LVRN: variants seen among roughly 807,000 people sequenced by gnomAD.
The protein encoded by LVRN is laeverin.
A neutral mutation model predicts 111.4 loss-of-function variants in LVRN; 99 were observed. The observed-to-expected ratio is 0.89, with a 90% CI of 0.76 to 1.05. The LOEUF is 1.05. Among genes scored for constraint, LVRN ranks in the 50% least tolerant of loss-of-function variants. The probability of loss-of-function intolerance (pLI) is 0.00; values close to 1 mark genes in which losing one functional copy is unlikely to be tolerated. For missense variants in LVRN, 1,414 were observed against 1,206.8 expected (o/e 1.17, Z -2.54); for synonymous variants, 488 against 449.5 (o/e 1.09, Z -1.08).
At chr5:115,980,025 G>A (rs892263879) in intron 1 of LVRN, among the ~76,000 whole-genome samples, 1 of 152,070 alleles carries the variant, frequency 6.6e-6, no homozygotes, top group Non-Finnish European at 1.5e-5. Flanking sequence ...AGAAAACAGT[G>A]AGTCCATGAT....
At chr5:116,023,212 G>A (rs779949676) in intron 19 of LVRN, 1 of 152,126 alleles carries the variant, frequency 6.6e-6, no homozygotes, top group Non-Finnish European at 1.5e-5. Flanking sequence ...CTACATTATA[G>A]TGTAATCACT....
chr5:116,001,661 A>G (rs1356302458), intron 10 of LVRN, among the ~76,000 whole-genome samples: 2 of 152,142 alleles, frequency 1.3e-5, no homozygotes, highest in Non-Finnish European at 1.5e-5. Context: ...TATTTCCTTG[A>G]GGAATAGTTC....
intron 19 of LVRN, 116 bp from the exon 20 acceptor site, chr5:116,025,862 C>G: frequency 1.5e-6 from 2 of 1,339,268 alleles, no homozygotes; most frequent in South Asian, 2.8e-5. Context: ...CATTTCTACT[C>G]ATTCCAACCA....
At chr5:115,986,277 A>G (rs1747862626) in intron 3 of LVRN, among the ~76,000 whole-genome samples, 1 of 152,174 alleles carries the variant, frequency 6.6e-6, no homozygotes, top group Non-Finnish European at 1.5e-5. Context: ...CTCAGGCATG[A>G]TTTGGAAGCA....
intron 6 of LVRN, among the ~76,000 whole-genome samples, chr5:115,999,134 A>G (rs1002874153): frequency 2.6e-5 from 4 of 152,114 alleles, no homozygotes; most frequent in Non-Finnish European, 4.4e-5. Context: ...CTGGCTATAA[A>G]CTGATTTTTC....
Position 116,014,530 on chromosome 5 carries a change from A to G in LVRN, c.2450+3A>G. On this transcript the variant is annotated splice_donor_region_variant and intron_variant, in intron 16 of 19. Coordinates refer to ENST00000357872, the MANE Select transcript of LVRN (RefSeq NM_173800.5). ...TGGGTGGATCATCCAGAAAATGAGT[A>G]AGAGTAATATCATAATTCCTCTTGT... 1.2e-6 allele frequency: 2 copies of G among 1,605,420 alleles called. No homozygotes were observed. The highest frequency in any genetic ancestry group is 1.3e-5 in the African/African-American group (1 of 74,842).
In LVRN at chr5:116,012,457, C is replaced by A; in HGVS notation, c.2331C>A (p.Asp777Glu). The A allele has an allele frequency of 6.5e-7, 1 of 1,532,954 alleles. No homozygotes were observed. Among genetic ancestry groups the A allele is most frequent in the Non-Finnish European group, 8.9e-7 (1 of 1,117,960 alleles). The allele number at this position is 1,532,954 out of a possible 1,614,324, so 95.0% of individuals were successfully genotyped here. Residue 777 changes from aspartate (D) to glutamate (E), a missense_variant, in exon 15 of 20, where the codon GAC (aspartate) becomes GAA (glutamate). Physicochemically the swap from Asp to Glu is conservative, Grantham distance 45. Transcript: ENST00000357872. ...AAAATGTGTTGGCATTACAAGATGA[C>A]TACTTAGCTCTGTAAGTATGTTTTC... ...IRENVLALQD[D>E]YLALISLEKL...
At chr5:115,978,680 T>A (rs909103336) in intron 1 of LVRN, among the ~76,000 whole-genome samples, 6 of 152,186 alleles carry the variant, frequency 3.9e-5, no homozygotes, top group Non-Finnish European at 8.8e-5. Context: ...CACTCCCTAC[T>A]CTTGGGCTAG....
At chr5:116,018,240 G>T (rs1220061698) in intron 18 of LVRN, among the ~76,000 whole-genome samples, 1 of 152,168 alleles carries the variant, frequency 6.6e-6, no homozygotes, top group East Asian at 1.9e-4. Flanking sequence ...AAAAGAACTT[G>T]AATTAAACCC....
At chr5:115,963,753 T>TA (rs1258388586) in intron 1 of LVRN, among the ~76,000 whole-genome samples, 2 of 152,314 alleles carry the variant, frequency 1.3e-5, no homozygotes, top group East Asian at 3.9e-4. Context: ...TCCCTTTTCC[T>TA]ATAACCTTGC....
chr5:115,993,297 T>C (rs537998234), intron 5 of LVRN, among the ~76,000 whole-genome samples: 22 of 152,088 alleles, frequency 1.4e-4, no homozygotes, highest in African/African-American at 5.1e-4. Flanking sequence ...ATGGCACAGA[T>C]CAAATTATTT....
chr5:116,005,847 T>C, intron 12 of LVRN, 65 bp from the exon 13 acceptor site: 1 of 1,363,640 alleles, frequency 7.3e-7, no homozygotes, highest in Non-Finnish European at 1.1e-6. Context: ...ATTGTTGTTA[T>C]TTTGAAAACT....
intron 1 of LVRN, among the ~76,000 whole-genome samples, chr5:115,977,970 G>C (rs558644250): frequency 6.6e-6 from 1 of 152,346 alleles, no homozygotes; most frequent in African/African-American, 2.4e-5. Context: ...AATAAGGAAA[G>C]TGTGAAATAG....
chr5:115,991,876 T>G (rs1309418788), intron 4 of LVRN, among the ~76,000 whole-genome samples: 1 of 152,220 alleles, frequency 6.6e-6, no homozygotes, highest in Non-Finnish European at 1.5e-5. Flanking sequence ...ACTGCTAAGT[T>G]GTAAGCATTC....
intron 3 of LVRN, 33 bp from the exon 4 acceptor site, chr5:115,987,780 T>G: frequency 6.3e-7 from 1 of 1,595,814 alleles, no homozygotes; most frequent in Non-Finnish European, 8.5e-7. Flanking sequence ...CACTACTGGT[T>G]TTCCTAATCA....
intron 6 of LVRN, among the ~76,000 whole-genome samples, chr5:115,998,709 A>G (rs559086172): frequency 3.7e-4 from 56 of 152,304 alleles, no homozygotes; most frequent in African/African-American, 1.2e-3. Context: ...TGGGTAGTTT[A>G]TTAGAAATAC....
chr5:116,025,304 A>C (rs568649974), intron 19 of LVRN, among the ~76,000 whole-genome samples: 1 of 152,304 alleles, frequency 6.6e-6, no homozygotes, highest in South Asian at 2.1e-4. Flanking sequence ...TGTGAGCTGG[A>C]ATGGGCATTT....
At chr5:115,963,667 T>C (rs929468207) in intron 1 of LVRN, among the ~76,000 whole-genome samples, 2 of 152,114 alleles carry the variant, frequency 1.3e-5, no homozygotes, top group Admixed American at 6.5e-5. Flanking sequence ...ATGAGAACAC[T>C]TGGACACAGG....
chr5:115,996,822 T>C (rs543278964), intron 6 of LVRN, among the ~76,000 whole-genome samples: 9 of 152,142 alleles, frequency 5.9e-5, no homozygotes, highest in Non-Finnish European at 1.3e-4. Flanking sequence ...CCATCATATG[T>C]TGCTCTGCCT....
Sources: gnomAD v4.1 joint callset for allele counts (sites outside exome capture counted in the v4.1 genomes callset) on GRCh38, gnomAD v4.1.1 for gene constraint, MANE v1.5 for transcripts, NCBI Gene and HGNC (gene_info 2026-07-23, HGNC 2026-07-21) for gene names.